RAD51B: variants seen among roughly 807,000 people sequenced by gnomAD.
RAD51B encodes the protein DNA repair protein RAD51 homolog 2.
A neutral mutation model predicts 42.2 loss-of-function variants in RAD51B; 38 were observed. That is an observed-to-expected ratio of 0.90 (90% CI 0.70 to 1.18). The LOEUF (loss-of-function observed/expected upper bound fraction) is 1.18, where lower values mean the gene tolerates loss of function less well. RAD51B is among the 50% of genes most tolerant of loss of function. The pLI, the probability that RAD51B is intolerant of heterozygous loss-of-function variation, is 0.00. For missense variants in RAD51B, 373 were observed against 400.7 expected (o/e 0.93, Z 0.59); for synonymous variants, 154 against 145.2 (o/e 1.06, Z -0.43).
At chr14:68,050,058 T>C (rs1305711508) in intron 7 of RAD51B, among the ~76,000 whole-genome samples, 1 of 152,236 alleles carries the variant, frequency 6.6e-6, no homozygotes, top group African/African-American at 2.4e-5. Flanking sequence ...TCTTAAGTTC[T>C]ATTTTTTCTA....
At chr14:68,301,404 G>A (rs187666611) in intron 8 of RAD51B, among the ~76,000 whole-genome samples, 1 of 152,242 alleles carries the variant, frequency 6.6e-6, no homozygotes, top group Non-Finnish European at 1.5e-5. Flanking sequence ...CAGTCGATAA[G>A]TGGCTGCCAG....
At chr14:68,587,340 T>A (rs185219741) in intron 10 of RAD51B, among the ~76,000 whole-genome samples, 9 of 152,196 alleles carry the variant, frequency 5.9e-5, no homozygotes, top group African/African-American at 1.7e-4. Flanking sequence ...GAAAGATTGG[T>A]ACTCAGAGCC....
At chr14:68,202,852 G>T (rs1764661858) in intron 7 of RAD51B, among the ~76,000 whole-genome samples, 1 of 152,008 alleles carries the variant, frequency 6.6e-6, no homozygotes, top group African/African-American at 2.4e-5. Context: ...AAAGTGCTGG[G>T]ATTACAAGCA....
At chr14:68,072,043 A>ATATAAT (rs558419135) in intron 7 of RAD51B, among the ~76,000 whole-genome samples, 2 of 125,606 alleles carry the variant, frequency 1.6e-5, no homozygotes, top group African/African-American at 7.1e-5. Context: ...GATTTTATAT[A>ATATAAT]TATATATAAT....
intron 10 of RAD51B, among the ~76,000 whole-genome samples, chr14:68,591,643 G>A (rs1393341066): frequency 6.6e-6 from 1 of 152,150 alleles, no homozygotes; most frequent in Non-Finnish European, 1.5e-5. Flanking sequence ...GGTGGCGTGG[G>A]GGAGTTGCTT....
chr14:67,828,805 C>T (rs575430884), intron 3 of RAD51B, among the ~76,000 whole-genome samples: 92 of 152,134 alleles, frequency 6.0e-4, no homozygotes, highest in African/African-American at 2.0e-3. Flanking sequence ...TGTAGGTGTG[C>T]GGTCTTATTT....
At chr14:68,381,040 C>T (rs900281717) in intron 8 of RAD51B, among the ~76,000 whole-genome samples, 4 of 152,198 alleles carry the variant, frequency 2.6e-5, no homozygotes, top group African/African-American at 9.6e-5. Flanking sequence ...AAATCATGTT[C>T]ACATTTATTA....
intron 7 of RAD51B, among the ~76,000 whole-genome samples, chr14:68,194,982 A>G (rs2079340148): frequency 6.6e-6 from 1 of 152,150 alleles, no homozygotes. Flanking sequence ...TACTCCATTC[A>G]TTAATTCATT....
intron 7 of RAD51B, among the ~76,000 whole-genome samples, chr14:68,024,419 T>G (rs2075918810): frequency 2.6e-5 from 4 of 152,208 alleles, no homozygotes; most frequent in Admixed American, 2.6e-4. Flanking sequence ...TGCAGATTGC[T>G]TTGGGCAGTG....
rs182217025 is a variant in RAD51B at position 67,874,099 on chromosome 14, T to A, written c.452+8960T>A. Among the ~76,000 whole-genome samples, 703 of 150,692 alleles carry A rather than the reference T, an allele frequency of 4.7e-3. 9 individuals are homozygous for A. Among genetic ancestry groups the A allele is most frequent in the African/African-American group, 0.016 (656 of 40,434 alleles). On this transcript the variant is annotated intron_variant, in intron 5 of 10. Coordinates refer to ENST00000471583, the MANE Select transcript of RAD51B (RefSeq NM_133510.4). Reference sequence around the variant, plus strand: ...AACTTAAAGTATAATAATAATAAATTAATTAATTAAAAAAATGTATTAAAG... The same window carrying A: ...AACTTAAAGTATAATAATAATAAATAAATTAATTAAAAAAATGTATTAAAG...
At chr14:68,180,131 A>G (rs149124859) in intron 7 of RAD51B, among the ~76,000 whole-genome samples, 2 of 152,230 alleles carry the variant, frequency 1.3e-5, no homozygotes, top group Non-Finnish European at 2.9e-5. Flanking sequence ...TCCATAAGTC[A>G]CCCTAATGGT....
At chr14:68,262,329 A>C (rs534009460) in intron 7 of RAD51B, among the ~76,000 whole-genome samples, 10 of 152,148 alleles carry the variant, frequency 6.6e-5, no homozygotes, top group African/African-American at 2.2e-4. Context: ...GGCATGAGAG[A>C]GGGAAGGTCA....
At chr14:67,831,819 C>T (rs1453534143) in intron 3 of RAD51B, among the ~76,000 whole-genome samples, 2 of 152,160 alleles carry the variant, frequency 1.3e-5, no homozygotes, top group African/African-American at 4.8e-5. Flanking sequence ...GCTGGGATTA[C>T]AGGCGTGAGC....
intron 7 of RAD51B, among the ~76,000 whole-genome samples, chr14:68,233,771 A>G (rs1172711550): frequency 6.6e-6 from 1 of 152,230 alleles, no homozygotes; most frequent in Non-Finnish European, 1.5e-5. Context: ...TACAGGGAAC[A>G]GCATGTGGAA....
chr14:68,279,044 G>A (rs1595650977), intron 7 of RAD51B, among the ~76,000 whole-genome samples: 1 of 151,846 alleles, frequency 6.6e-6, no homozygotes, highest in African/African-American at 2.4e-5. Context: ...TCCTCTGCTG[G>A]TTACTGATTG....
intron 4 of RAD51B, among the ~76,000 whole-genome samples, chr14:67,850,127 C>T (rs543914883): frequency 2.0e-5 from 3 of 152,168 alleles, no homozygotes; most frequent in African/African-American, 2.4e-5. Flanking sequence ...TTCCAAGTAG[C>T]TGGGACTATA....
At chr14:68,212,396 C>T (rs2079729047) in intron 7 of RAD51B, among the ~76,000 whole-genome samples, 2 of 152,220 alleles carry the variant, frequency 1.3e-5, no homozygotes, top group Admixed American at 1.3e-4. Context: ...AAATACTTGA[C>T]TCAGAGCCTT....
intron 8 of RAD51B, among the ~76,000 whole-genome samples, chr14:68,362,717 T>C (rs1435707132): frequency 6.6e-6 from 1 of 151,916 alleles, no homozygotes; most frequent in Non-Finnish European, 1.5e-5. Flanking sequence ...GGCATGGTGG[T>C]GGGCGCCTGT....
At chr14:68,083,470 C>T (rs774001317) in intron 7 of RAD51B, among the ~76,000 whole-genome samples, 3 of 152,138 alleles carry the variant, frequency 2.0e-5, no homozygotes, top group Non-Finnish European at 2.9e-5. Context: ...TTTTGATACT[C>T]GATCACTGGA....
Sources: gnomAD v4.1 joint callset for allele counts (sites outside exome capture counted in the v4.1 genomes callset) on GRCh38, gnomAD v4.1.1 for gene constraint, MANE v1.5 for transcripts, NCBI Gene and HGNC (gene_info 2026-07-23, HGNC 2026-07-21) for gene names.